Variants in SLC38A6 observed in about 807,000 individuals in gnomAD.
The protein encoded by SLC38A6 is solute carrier family 38 member 6.
In SLC38A6, 73 loss-of-function variants were observed where a neutral mutation model predicts 65.0. The observed-to-expected ratio is 1.12, with a 90% CI of 0.93 to 1.37. The LOEUF (loss-of-function observed/expected upper bound fraction) is 1.37. SLC38A6 is among the 40% of genes most tolerant of loss of function. The pLI is 0.00. For missense variants in SLC38A6, 561 were observed against 531.1 expected, an observed-to-expected ratio of 1.06 and a Z score of -0.55; for synonymous variants, 183 against 178.8, an observed-to-expected ratio of 1.02 and a Z score of -0.19.
At chr14:61,010,412 G>A (rs1220933840) in intron 3 of SLC38A6, among the ~76,000 whole-genome samples, 1 of 152,160 alleles carries the variant, frequency 6.6e-6, no homozygotes, top group Non-Finnish European at 1.5e-5. Flanking sequence ...TTTGGCTTTT[G>A]CTGCCATTGC....
chr14:61,066,960 G>C (rs928110500), intron 15 of SLC38A6, among the ~76,000 whole-genome samples: 5 of 151,760 alleles, frequency 3.3e-5, no homozygotes, highest in Admixed American at 6.6e-5. Context: ...CTAGTCCCAA[G>C]GTCATGAAAC....
At chr14:61,045,498 C>T in intron 11 of SLC38A6, 73 bp downstream of exon 11, 1 of 1,123,830 alleles carries the variant, frequency 8.9e-7, no homozygotes, top group South Asian at 1.4e-5. Flanking sequence ...GATTGAATGA[C>T]ATCCTCTTTT....
chr14:61,014,764 C>T (rs1440790987), intron 3 of SLC38A6, among the ~76,000 whole-genome samples: 4 of 152,128 alleles, frequency 2.6e-5, no homozygotes, highest in Non-Finnish European at 5.9e-5. Context: ...CAGAGGAGTA[C>T]CCGGCCGTGT....
chr14:61,079,198 C>T (rs1009156804), intron 16 of SLC38A6, among the ~76,000 whole-genome samples: 15 of 132,468 alleles, frequency 1.1e-4, no homozygotes, highest in Admixed American at 7.8e-4. Flanking sequence ...AGTGCAGTGG[C>T]GGGTATTGGC....
At chr14:61,009,672 G>A (rs7143283) in intron 3 of SLC38A6, among the ~76,000 whole-genome samples, 103,760 of 151,892 alleles carry the variant, frequency 0.68, 35,602 homozygotes, top group African/African-American at 0.7. Flanking sequence ...GAGAATGATG[G>A]TTTCCAATTT....
intron 3 of SLC38A6, among the ~76,000 whole-genome samples, chr14:61,004,104 A>G (rs2038906804): frequency 6.6e-6 from 1 of 152,204 alleles, no homozygotes; most frequent in East Asian, 1.9e-4. Flanking sequence ...TTTCTCAAAC[A>G]GTAACTGTTG....
At chr14:61,008,596 A>G (rs2039325550) in intron 3 of SLC38A6, among the ~76,000 whole-genome samples, 1 of 152,202 alleles carries the variant, frequency 6.6e-6, no homozygotes. Flanking sequence ...TACAAATAGT[A>G]GCATCACTAG....
At chr14:60,981,776 C>A in intron 1 of SLC38A6, 1 of 1,227,162 alleles carries the variant, frequency 8.1e-7, no homozygotes, top group Non-Finnish European at 1.1e-6. Context: ...CCGACTTAGT[C>A]ATGGGGGGAG....
intron 5 of SLC38A6, among the ~76,000 whole-genome samples, chr14:61,023,563 A>AAATAATAATAAT (rs139726383): frequency 2.1e-5 from 3 of 141,536 alleles, no homozygotes; most frequent in Admixed American, 7.1e-5. Context: ...ACTGTCTCAA[A>AAATAATAATAAT]AATAATAATA....
intron 3 of SLC38A6, among the ~76,000 whole-genome samples, chr14:60,992,140 CATTATAAACTTTTATAGCTTAGCTACCAA>C (rs1372402392): frequency 6.6e-6 from 1 of 152,188 alleles, no homozygotes; most frequent in Non-Finnish European, 1.5e-5. Context: ...CTTTGAATAA[CATTATAAACTTTTATAGCTTAGCTACCAA>C]AAATAGGTTG....
chr14:61,022,279 G>C (rs2040383536), intron 5 of SLC38A6, among the ~76,000 whole-genome samples: 1 of 151,902 alleles, frequency 6.6e-6, no homozygotes, highest in East Asian at 1.9e-4. Context: ...CTAAGCAAAA[G>C]GGAACTTCAG....
chr14:61,014,405 A>T (rs1346347380), intron 3 of SLC38A6, among the ~76,000 whole-genome samples: 2 of 152,080 alleles, frequency 1.3e-5, no homozygotes, highest in African/African-American at 2.4e-5. Context: ...TTCTCCATCC[A>T]GCTTTGTTCC....
rs915305965 is a variant in SLC38A6 at position 61,038,074 on chromosome 14, A to G, written c.624+391A>G. On this transcript the variant is annotated intron_variant, in intron 8 of 15. Transcript: ENST00000267488. ...TTAATTTTGAAACTTTATTCCATTA[A>G]TAAAAAAACAGAGCTTCTGGTACTA... Among the ~76,000 whole-genome samples, 3 of 152,134 alleles carry G rather than the reference A, an allele frequency of 2.0e-5. No individual in the cohort carries two copies. The East Asian group carries it at 5.8e-4, about 29-fold the overall frequency.
At chr14:61,073,930 T>C (rs2043312707) in intron 15 of SLC38A6, 1 of 148,334 alleles carries the variant, frequency 6.7e-6, no homozygotes, top group Non-Finnish European at 1.5e-5. Context: ...GATGATCCAG[T>C]TTCACTTAAT....
chr14:61,053,706 TC>T (rs1198732096), downstream of SLC38A6, among the ~76,000 whole-genome samples: 1 of 152,234 alleles, frequency 6.6e-6, no homozygotes, highest in African/African-American at 2.4e-5. Context: ...AAGTGTCTGT[TC>T]ATGTCCTTTG....
chr14:61,027,797 A>G (rs1021631089), intron 5 of SLC38A6, among the ~76,000 whole-genome samples: 3 of 151,982 alleles, frequency 2.0e-5, no homozygotes, highest in Non-Finnish European at 2.9e-5. Flanking sequence ...AATAATTTTC[A>G]TAGTGAATAG....
intron 2 of SLC38A6, 84 bp from the exon 3 acceptor site, chr14:60,984,646 T>C: frequency 9.4e-7 from 1 of 1,061,058 alleles, no homozygotes; most frequent in East Asian, 2.4e-5. Flanking sequence ...TATTTGACTG[T>C]TAAGCAATTT....
At chr14:60,988,216 T>C (rs2037597365) in intron 3 of SLC38A6, among the ~76,000 whole-genome samples, 1 of 152,204 alleles carries the variant, frequency 6.6e-6, no homozygotes, top group Non-Finnish European at 1.5e-5. Context: ...TTGAAGATGG[T>C]ATAGGTGTCC....
At chr14:61,061,032 A>T (rs1375089338) in intron 15 of SLC38A6, among the ~76,000 whole-genome samples, 1 of 151,618 alleles carries the variant, frequency 6.6e-6, no homozygotes, top group African/African-American at 2.4e-5. Context: ...GGCACTCCCT[A>T]GTGAGAAGAA....
Sources: gnomAD v4.1 joint callset for allele counts (sites outside exome capture counted in the v4.1 genomes callset) on GRCh38, gnomAD v4.1.1 for gene constraint, MANE v1.5 for transcripts, NCBI Gene and HGNC (gene_info 2026-07-23, HGNC 2026-07-21) for gene names.